The following FAM81B variants were observed in gnomAD, a reference collection of about 807,000 sequenced individuals.
The protein encoded by FAM81B is protein FAM81B.
FAM81B carries 60 observed loss-of-function variants against 58.7 expected under a neutral mutation model. That is an observed-to-expected ratio of 1.02 (90% CI 0.83 to 1.27). The LOEUF (loss-of-function observed/expected upper bound fraction) is 1.27. Ranked by LOEUF, FAM81B falls within the 50% of genes most tolerant of loss-of-function variation. FAM81B has a pLI of 0.00. For missense variants in FAM81B, 491 were observed against 522.0 expected (o/e 0.94, Z 0.58); for synonymous variants, 189 against 179.6 (o/e 1.05, Z -0.42).
chr5:95,436,117 T>G (rs915351734), intron 6 of FAM81B, among the ~76,000 whole-genome samples: 2 of 152,338 alleles, frequency 1.3e-5, no homozygotes, highest in East Asian at 3.9e-4. Context: ...GGGTTGCAAT[T>G]CTGCCTCTAT....
At chr5:95,426,094 G>GTGTGTATA (rs1491455240) in intron 5 of FAM81B, among the ~76,000 whole-genome samples, 3 of 120,180 alleles carry the variant, frequency 2.5e-5, no homozygotes, top group African/African-American at 9.8e-5. Flanking sequence ...ATCTCTGTGT[G>GTGTGTATA]TATATATATA....
intron 5 of FAM81B, among the ~76,000 whole-genome samples, chr5:95,426,094 G>GTACATATATA (rs1554045007): frequency 8.3e-6 from 1 of 120,180 alleles, no homozygotes; most frequent in South Asian, 2.6e-4. Context: ...ATCTCTGTGT[G>GTACATATATA]TATATATATA....
intron 3 of FAM81B, among the ~76,000 whole-genome samples, chr5:95,411,656 T>C (rs1434840650): frequency 6.6e-6 from 1 of 152,206 alleles, no homozygotes; most frequent in Non-Finnish European, 1.5e-5. Flanking sequence ...TTTGATAAGA[T>C]TGATCCAAAA....
At position 95,428,624 on chromosome 5, in the gene FAM81B, G is replaced by A; in HGVS notation, c.678G>A (p.Lys226=). ...RVARCDSSIV[K]LSGDIHLFRQ... is the part of the protein sequence containing the mutation. ...TTAGATGTGATTCAAGCATTGTGAA[G>A]CTTTCTGGAGACATTCACTTATTCA... Residue 226 remains lysine (K), a synonymous_variant, in exon 6 of 10, where the codon AAG becomes AAA. Coordinates refer to ENST00000283357, the MANE Select transcript of FAM81B (RefSeq NM_152548.3). The A allele has an allele frequency of 3.1e-6, 5 of 1,613,948 alleles. No homozygotes were observed. The highest frequency in any genetic ancestry group is 4.2e-6 in the Non-Finnish European group (5 of 1,179,832).
chr5:95,414,912 G>A (rs1211030979), intron 4 of FAM81B, among the ~76,000 whole-genome samples: 4 of 152,048 alleles, frequency 2.6e-5, no homozygotes, highest in Non-Finnish European at 5.9e-5. Flanking sequence ...TTTGATTCCT[G>A]TTTGTTTTCT....
chr5:95,441,403 T>C (rs1234775900), intron 7 of FAM81B, among the ~76,000 whole-genome samples: 1 of 151,840 alleles, frequency 6.6e-6, no homozygotes, highest in East Asian at 1.9e-4. Context: ...ACCCCGCCTG[T>C]ACTAAAAATA....
At chr5:95,397,811 A>G (rs776499300) in intron 3 of FAM81B, among the ~76,000 whole-genome samples, 2 of 152,164 alleles carry the variant, frequency 1.3e-5, no homozygotes, top group Non-Finnish European at 2.9e-5. Flanking sequence ...CACATTGTTA[A>G]TTGTCTTTTG....
chr5:95,408,075 TGAGAGAGAGAGAGAGAGA>T (rs10567707), intron 3 of FAM81B, among the ~76,000 whole-genome samples: 6 of 130,328 alleles, frequency 4.6e-5, no homozygotes, highest in Admixed American at 1.5e-4. Flanking sequence ...TCCCCCAAAA[TGAGAGAGAGAGAGAGAGA>T]GAGAGAGAGA....
chr5:95,433,213 T>C (rs909530595), intron 6 of FAM81B, among the ~76,000 whole-genome samples: 4 of 152,046 alleles, frequency 2.6e-5, no homozygotes, highest in Admixed American at 2.6e-4. Context: ...AATGGACTCA[T>C]AGTTCCACAT....
rs2152763576 is a variant in FAM81B, at chr5:95,414,080, C to T, written c.427C>T (p.Leu143=). 6.2e-7 allele frequency: 1 copy of T among 1,614,106 alleles called. No individual in the cohort carries two copies. ...FRIKEDISAC[L]QGTHGFRKEE... ...CATCAAGGAGGACATCTCTGCTTGC[C>T]TGCAGGGGACCCATGGCTTTCGAAA... is the stretch of plus-strand genomic sequence containing the variant. Residue 143 remains leucine (L), a synonymous_variant, in exon 4 of 10, where the codon CTG becomes TTG. Coordinates refer to ENST00000283357, the MANE Select transcript of FAM81B (RefSeq NM_152548.3).
At chr5:95,408,905 G>T (rs1454181347) in intron 3 of FAM81B, among the ~76,000 whole-genome samples, 3 of 152,158 alleles carry the variant, frequency 2.0e-5, no homozygotes, top group Non-Finnish European at 2.9e-5. Context: ...TGATTCTCAG[G>T]TTCTAGAATT....
At chr5:95,391,548 C>A in intron 1 of FAM81B, 35 bp downstream of exon 1, 2 of 1,572,312 alleles carry the variant, frequency 1.3e-6, no homozygotes, top group South Asian at 1.2e-5. Flanking sequence ...CTAAATTTCT[C>A]CTACTTCACT....
chr5:95,420,444 T>A, intron 5 of FAM81B, 42 bp downstream of exon 5: 1 of 1,608,480 alleles, frequency 6.2e-7, no homozygotes, highest in Non-Finnish European at 8.5e-7. Flanking sequence ...AGTGAATTCT[T>A]GGCCAGTGAA....
intron 7 of FAM81B, among the ~76,000 whole-genome samples, chr5:95,446,044 T>C (rs2152770835): frequency 6.6e-6 from 1 of 152,348 alleles, no homozygotes; most frequent in South Asian, 2.1e-4. Context: ...ACTATAACCG[T>C]ACTCATTTCT....
Position 95,446,572 on chromosome 5 carries a change from C to T in FAM81B, c.904C>T (p.Leu302Phe), listed in dbSNP as rs373311003. ...MNLLEFKFHS[L>F]SSNLYEEVEN... Reference sequence around the variant, plus strand: ...CATTTTTTCCCATAGATTTCATTCACTTTCAAGTAATCTGTACGAAGAAGT... The same window carrying T: ...CATTTTTTCCCATAGATTTCATTCATTTTCAAGTAATCTGTACGAAGAAGT... Residue 302 changes from leucine (L) to phenylalanine (F), a missense_variant, in exon 8 of 10, where the codon CTT becomes TTT. Coordinates refer to ENST00000283357, the MANE Select transcript of FAM81B (RefSeq NM_152548.3). 4.2e-5 allele frequency: 66 copies of T among 1,588,268 alleles called. No homozygotes were observed. The African/African-American group carries it at 6.3e-4, about 15-fold the overall frequency.
chr5:95,441,515 G>T (rs898154061), intron 7 of FAM81B, among the ~76,000 whole-genome samples: 4 of 151,942 alleles, frequency 2.6e-5, no homozygotes, highest in African/African-American at 9.7e-5. Context: ...GTTGCAGTGA[G>T]CAGAGATCGT....
At chr5:95,440,893 C>T (rs958997186) in intron 7 of FAM81B, among the ~76,000 whole-genome samples, 2 of 152,164 alleles carry the variant, frequency 1.3e-5, no homozygotes, top group Non-Finnish European at 2.9e-5. Context: ...GCCACCTTCA[C>T]TCGGGATACC....
intron 2 of FAM81B, among the ~76,000 whole-genome samples, chr5:95,394,829 T>C (rs1451197395): frequency 6.6e-6 from 1 of 152,100 alleles, no homozygotes; most frequent in Non-Finnish European, 1.5e-5. Context: ...TCCCTGAAAA[T>C]GGACTTCACA....
At chr5:95,391,615 C>A in intron 1 of FAM81B, 102 bp downstream of exon 1, 1 of 1,323,578 alleles carries the variant, frequency 7.6e-7, no homozygotes, top group Non-Finnish European at 1.0e-6. Flanking sequence ...AATGAAGACC[C>A]TCAGAAGGCT....
Sources: allele counts gnomAD v4.1 joint callset (sites outside exome capture counted in the v4.1 genomes callset), GRCh38; gene constraint gnomAD v4.1.1; transcripts MANE v1.5; gene names NCBI Gene and HGNC (gene_info 2026-07-23, HGNC 2026-07-21).